The following EREG variants were observed in gnomAD, a reference collection of about 807,000 sequenced individuals.
EREG encodes epiregulin.
A neutral mutation model predicts 22.4 loss-of-function variants in EREG; 23 were observed. That is an observed-to-expected ratio of 1.03 (90% CI 0.74 to 1.46). EREG has a LOEUF of 1.46. Ranked by LOEUF, EREG falls within the 40% of genes most tolerant of loss-of-function variation. EREG has a pLI of 0.00. For missense variants in EREG, 226 were observed against 205.9 expected (o/e 1.10, Z -0.60); for synonymous variants, 100 against 75.4 (o/e 1.33, Z -1.69).
rs780159878 is a variant in EREG at position 74,365,337 on chromosome 4, T to C, written c.29T>C (p.Leu10Pro). 5 of 1,609,056 alleles carry C rather than the reference T, an allele frequency of 3.1e-6. No homozygotes were observed. In the East Asian group the frequency reaches 1.1e-4, roughly 36 times the overall value. Residue 10 changes from leucine (L) to proline (P), a missense_variant, in exon 1 of 5, where the codon CTC (leucine) becomes CCC (proline). By Grantham distance (98) the Leu-to-Pro change is moderately conservative (BLOSUM62 -3). Coordinates refer to ENST00000244869, the MANE Select transcript of EREG (RefSeq NM_001432.3). Reference protein sequence around the residue: MTAGRRMEMLCAGRVPALLL... With the variant: MTAGRRMEMPCAGRVPALLL... Reference sequence around the variant, plus strand: ...ACCGCGGGGAGGAGGATGGAGATGCTCTGTGCCGGCAGGGTCCCTGCGCTG... The same window carrying C: ...ACCGCGGGGAGGAGGATGGAGATGCCCTGTGCCGGCAGGGTCCCTGCGCTG...
intron 1 of EREG, among the ~76,000 whole-genome samples, chr4:74,365,914 A>G (rs923311058): frequency 3.9e-5 from 6 of 152,116 alleles, no homozygotes; most frequent in African/African-American, 1.4e-4. Context: ...CAGACACAAG[A>G]GAAATAAAAC....
In EREG at chr4:74,370,639, T is replaced by TAG. The variant is rs146474134; in HGVS notation, c.67+5276_67+5277dup. ...TGTGTGTGTGTGTGAGAGAGAGAGA[T>TAG]AGAGAGAGAGAGACAGAAAGAGAGG... On this transcript the variant is annotated intron_variant, in intron 1 of 4. Coordinates refer to ENST00000244869, the MANE Select transcript of EREG (RefSeq NM_001432.3). Among the ~76,000 whole-genome samples, 57 of 150,916 alleles carry TAG rather than the reference T, an allele frequency of 3.8e-4. 1 individual carries two copies. The highest frequency in any genetic ancestry group is 1.3e-3 in the South Asian group (6 of 4,752).
intron 1 of EREG, among the ~76,000 whole-genome samples, chr4:74,365,600 G>A (rs990310062): frequency 6.6e-6 from 1 of 151,452 alleles, no homozygotes; most frequent in Non-Finnish European, 1.5e-5. Flanking sequence ...TTAATTATTG[G>A]CATATATGTT....
intron 4 of EREG, among the ~76,000 whole-genome samples, chr4:74,383,654 A>T (rs1752518944): frequency 6.6e-6 from 1 of 152,164 alleles, no homozygotes; most frequent in South Asian, 2.1e-4. Flanking sequence ...ACAGTTACAA[A>T]TTACTCAAGG....
chr4:74,371,919 C>G (rs139521800), intron 1 of EREG, among the ~76,000 whole-genome samples: 457 of 152,086 alleles, frequency 3.0e-3, no homozygotes, highest in Non-Finnish European at 4.5e-3. Context: ...TCCTTACCAC[C>G]CTTAGGTGTC....
At chr4:74,366,882 G>A (rs1015109542) in intron 1 of EREG, among the ~76,000 whole-genome samples, 10 of 152,064 alleles carry the variant, frequency 6.6e-5, no homozygotes, top group African/African-American at 2.4e-4. Context: ...TGTTTTCCCA[G>A]TTTGTTTGGA....
chr4:74,377,108 G>A (rs187648158), intron 1 of EREG, among the ~76,000 whole-genome samples: 1 of 150,510 alleles, frequency 6.6e-6, no homozygotes, highest in African/African-American at 2.4e-5. Context: ...AAAACCAGAG[G>A]CTAGAAGTTG....
rs1309368123 is a variant in EREG, at chr4:74,381,052, A to G, written c.193A>G (p.Ile65Val). The G allele has an allele frequency of 1.2e-6, 2 of 1,613,794 alleles. No individual in the cohort carries two copies. Among genetic ancestry groups the G allele is most frequent in the Non-Finnish European group, 1.7e-6 (2 of 1,179,886 alleles). The change falls in exon 3 of 5, where the codon ATA becomes GTA. Residue 65 changes from isoleucine to valine, a missense_variant. Ile to Val is a conservative substitution (Grantham distance 29, BLOSUM62 3). Transcript: ENST00000244869. The part of the protein sequence containing the change: ...EDNPRVAQVS[I>V]TKCSSDMNGY... ...CAATCCACGTGTGGCTCAAGTGTCA[A>G]TAACAAAGTGTAGCTCTGACATGAA...
rs148064291 is a variant in EREG at position 74,370,749 on chromosome 4, G to A, written c.67+5374G>A. On this transcript the variant is annotated intron_variant, in intron 1 of 4. Coordinates refer to ENST00000244869, the MANE Select transcript of EREG (RefSeq NM_001432.3). ...ATGACTGCCAGTGGCAGAAAGAGAA[G>A]CATTGTTTTAGAAATTAAAGAAACC... 6.3e-3 allele frequency among the ~76,000 whole-genome samples: 952 copies of A among 152,232 alleles called. 8 individuals carry two copies. Among genetic ancestry groups the A allele is most frequent in the African/African-American group, 0.022 (896 of 41,548 alleles).
chr4:74,370,125 T>C (rs772111436), intron 1 of EREG, among the ~76,000 whole-genome samples: 3 of 152,190 alleles, frequency 2.0e-5, no homozygotes, highest in African/African-American at 2.4e-5. Context: ...TTGGTGAAAG[T>C]ACTCATCCTT....
intron 1 of EREG, among the ~76,000 whole-genome samples, chr4:74,373,981 T>G (rs1464940989): frequency 1.3e-5 from 2 of 152,142 alleles, no homozygotes; most frequent in Admixed American, 6.5e-5. Context: ...AACAAGCCTA[T>G]TACGTTATAG....
chr4:74,382,551 A>G, intron 3 of EREG, 94 bp from the exon 4 acceptor site: 1 of 978,352 alleles, frequency 1.0e-6, no homozygotes. Context: ...GATTTCTTGC[A>G]TTACAGTGTG....
chr4:74,384,491 A>C (rs1752534920), intron 4 of EREG, among the ~76,000 whole-genome samples: 1 of 152,092 alleles, frequency 6.6e-6, no homozygotes, highest in African/African-American at 2.4e-5. Flanking sequence ...CACGTTAAAG[A>C]CTTTGAGAAA....
At position 74,381,026 on chromosome 4, in the gene EREG, A is replaced by G. The variant is rs1297778918; in HGVS notation, c.167A>G (p.Asp56Gly). 15 of 1,613,268 alleles carry G rather than the reference A, an allele frequency of 9.3e-6. No homozygotes were observed. Among genetic ancestry groups the G allele is most frequent in the Admixed American group, 8.4e-5 (5 of 59,872 alleles). Residue 56 changes from aspartate (D) to glycine (G), a missense_variant, in exon 3 of 5, where the codon GAC (aspartate) becomes GGC (glycine). Coordinates refer to ENST00000244869, the MANE Select transcript of EREG (RefSeq NM_001432.3). ...DNCTALVQTE[D>G]NPRVAQVSIT... ...ACTTCTTTTACAGTTCAGACAGAAG[A>G]CAATCCACGTGTGGCTCAAGTGTCA... is the stretch of plus-strand genomic sequence containing the variant.
chr4:74,379,450 T>G lies in EREG; in HGVS notation c.70T>G (p.Phe24Val). The G allele has an allele frequency of 6.3e-7, 1 of 1,595,282 alleles. No individual in the cohort carries two copies. The highest frequency in any genetic ancestry group is 1.1e-5 in the South Asian group (1 of 90,396). The change falls in exon 2 of 5, where the codon TTC (phenylalanine) becomes GTC (valine). Residue 24 changes from phenylalanine to valine, a missense_variant and splice_region_variant. Phe to Val is a conservative substitution (Grantham distance 50). Transcript: ENST00000244869. ...RVPALLLCLG[F>V]HLLQAVLSTT... ...ATTCGATTTTTCTTCATAAATAGGT[T>G]TCCATCTTCTACAGGCAGTCCTCAG...
chr4:74,379,572 C>T (rs1172744487), intron 2 of EREG, 38 bp downstream of exon 2: 1 of 1,184,594 alleles, frequency 8.4e-7, no homozygotes, highest in Admixed American at 1.7e-5. Flanking sequence ...CAAGAGACTA[C>T]ATATTTTTAA....
At chr4:74,381,305 C>G (rs1752470361) in intron 3 of EREG, 168 bp downstream of exon 3, 2 of 557,494 alleles carry the variant, frequency 3.6e-6, no homozygotes, top group South Asian at 4.7e-5. Flanking sequence ...AATTTTTCAT[C>G]CCTTAACCCC....
intron 2 of EREG, among the ~76,000 whole-genome samples, chr4:74,380,379 A>G (rs72859361): frequency 0.075 from 11,373 of 152,078 alleles, 737 homozygotes; most frequent in African/African-American, 0.17. Context: ...AAGCTTTCTA[A>G]AGTGAATTTT....
chr4:74,384,644 G>T, intron 4 of EREG, 83 bp from the exon 5 acceptor site: 5 of 668,082 alleles, frequency 7.5e-6, no homozygotes, highest in African/African-American at 1.8e-5. Flanking sequence ...CTATGCTAAT[G>T]TGCCTTTGGA....
Sources: gnomAD v4.1 joint callset for allele counts (sites outside exome capture counted in the v4.1 genomes callset) on GRCh38, gnomAD v4.1.1 for gene constraint, MANE v1.5 for transcripts, NCBI Gene and HGNC (gene_info 2026-07-23, HGNC 2026-07-21) for gene names.